The following C12orf42 variants were observed in gnomAD, a reference collection of about 807,000 sequenced individuals.
C12orf42 encodes chromosome 12 open reading frame 42.
A neutral mutation model predicts 21.6 loss-of-function variants in C12orf42; 25 were observed. That is an observed-to-expected ratio of 1.16 (90% CI 0.84 to 1.62). The LOEUF is 1.62. Ranked by LOEUF, C12orf42 falls within the 40% of genes most tolerant of loss-of-function variation. The pLI is 0.00. For missense variants in C12orf42, 483 were observed against 459.3 expected (o/e 1.05, Z -0.47); for synonymous variants, 174 against 175.0 (o/e 0.99, Z 0.05).
At chr12:103,478,761 G>C (rs1954257054) in intron 1 of C12orf42, among the ~76,000 whole-genome samples, 1 of 151,946 alleles carries the variant, frequency 6.6e-6, no homozygotes, top group Admixed American at 6.6e-5. Flanking sequence ...TGCTTGCTTT[G>C]GTTGGCTGGT....
At chr12:103,527,280 G>T in the C12orf42 span, among the ~76,000 whole-genome samples, 3 of 152,264 alleles carry the variant, frequency 2.0e-5, no homozygotes, top group Non-Finnish European at 4.4e-5. Context: ...GCATGAGGGG[G>T]TTACTCTGAG....
chr12:103,266,037 C>T (rs1046717087), downstream of C12orf42, among the ~76,000 whole-genome samples: 7 of 152,082 alleles, frequency 4.6e-5, no homozygotes, highest in African/African-American at 1.7e-4. Flanking sequence ...TGATCATTGC[C>T]TGTAAAAGTT....
At position 103,302,214 on chromosome 12, in the gene C12orf42, C is replaced by T. The variant is rs748666217; in HGVS notation, c.977G>A (p.Arg326Lys). The change falls in exon 6 of 6, where the codon AGG becomes AAG. Residue 326 changes from arginine (R) to lysine (K), a missense_variant. Arg to Lys is a conservative substitution (Grantham distance 26, BLOSUM62 2). Coordinates refer to ENST00000548883, the MANE Select transcript of C12orf42 (RefSeq NM_198521.5). ...AGASTHFPSK[R>K]LIKVCSSAPP... Reference sequence around the variant, plus strand: ...TGCTGAGGAGCAAACCTTTATTAACCTCTTGGAGGGGAAATGGGTGGAAGC... The same window carrying T: ...TGCTGAGGAGCAAACCTTTATTAACTTCTTGGAGGGGAAATGGGTGGAAGC... 7 of 1,612,092 alleles carry T rather than the reference C, an allele frequency of 4.3e-6. No homozygotes were observed. The highest frequency in any genetic ancestry group is 5.9e-6 in the Non-Finnish European group (7 of 1,179,190).
the C12orf42 span, among the ~76,000 whole-genome samples, chr12:103,066,824 A>G: frequency 6.6e-6 from 1 of 152,224 alleles, no homozygotes; most frequent in Non-Finnish European, 1.5e-5. Flanking sequence ...GTGAGTTCTC[A>G]CCAATGGGTG....
intron 4 of C12orf42, among the ~76,000 whole-genome samples, chr12:103,352,813 T>A (rs1199402930): frequency 1.3e-5 from 2 of 152,146 alleles, no homozygotes; most frequent in African/African-American, 4.8e-5. Flanking sequence ...GCCATAGGAT[T>A]TTTTATGAGG....
At chr12:103,087,554 G>C in the C12orf42 span, among the ~76,000 whole-genome samples, 1 of 152,190 alleles carries the variant, frequency 6.6e-6, no homozygotes, top group Non-Finnish European at 1.5e-5. Context: ...TCAAAGTAAG[G>C]CCAGTTATCT....
At chr12:103,456,424 C>T (rs1952298305) in intron 2 of C12orf42, 1 of 152,088 alleles carries the variant, frequency 6.6e-6, no homozygotes, top group Non-Finnish European at 1.5e-5. Flanking sequence ...AACATAAAGG[C>T]TTTTGACATA....
chr12:103,303,752 G>C (rs2037995598), intron 5 of C12orf42, among the ~76,000 whole-genome samples: 1 of 152,126 alleles, frequency 6.6e-6, no homozygotes, highest in Non-Finnish European at 1.5e-5. Context: ...TTGTGAATCT[G>C]AATTCTCCAA....
the C12orf42 span, among the ~76,000 whole-genome samples, chr12:103,194,498 AT>A: frequency 6.6e-6 from 1 of 152,168 alleles, no homozygotes; most frequent in Admixed American, 6.5e-5. Context: ...ACATACAAAA[AT>A]TAGTTGCCTT....
Position 103,478,411 on chromosome 12 carries a change from A to C in C12orf42, c.16T>G (p.Cys6Gly). The C allele has an allele frequency of 3.1e-6, 5 of 1,593,960 alleles. No homozygotes were observed. Among genetic ancestry groups the C allele is most frequent in the Non-Finnish European group, 4.3e-6 (5 of 1,166,948 alleles). ...AATTCTTCTTCCCTTTGTTTCATAC[A>C]TATCACTGTAGACATTAATTTGACA... MSTVI[C>G]MKQREEEFLL... The change falls in exon 2 of 6, where the codon TGT (cysteine) becomes GGT (glycine). Residue 6 changes from cysteine (C) to glycine (G), a missense_variant. Cys to Gly is a radical substitution (Grantham distance 159). Coordinates refer to ENST00000548883, the MANE Select transcript of C12orf42 (RefSeq NM_198521.5).
the C12orf42 span, among the ~76,000 whole-genome samples, chr12:103,541,936 C>T: frequency 6.6e-6 from 1 of 151,870 alleles, no homozygotes; most frequent in African/African-American, 2.4e-5. Context: ...CATTCCACCA[C>T]AGCTCACCAG....
At position 103,343,787 on chromosome 12, in the gene C12orf42, A is replaced by G. The variant is rs190105035; in HGVS notation, c.259+25100T>C. On this transcript the variant is annotated intron_variant, in intron 4 of 5. Coordinates refer to ENST00000548883, the MANE Select transcript of C12orf42 (RefSeq NM_198521.5). The stretch of plus-strand genomic sequence containing the variant: ...GAAACTCTGTCACAAAAAAAAAAAA[A>G]AAAGAAAAAGAAAAAAAGAAAACAT... Among the ~76,000 whole-genome samples the G allele has an allele frequency of 2.7e-4, 41 of 152,028 alleles. No individual in the cohort carries two copies. In the East Asian group the frequency reaches 6.8e-3, roughly 25 times the overall value.
chr12:103,552,025 T>C, the C12orf42 span, among the ~76,000 whole-genome samples: 10 of 147,674 alleles, frequency 6.8e-5, no homozygotes, highest in African/African-American at 2.2e-4. Context: ...TTCTGTGATA[T>C]GTTGACCTTT....
chr12:103,350,531 C>A lies in C12orf42; in HGVS notation c.259+18356G>T, dbSNP rs993782496. Among the ~76,000 whole-genome samples, 50 of 152,168 alleles carry A rather than the reference C, an allele frequency of 3.3e-4. 1 individual carries two copies. The highest frequency in any genetic ancestry group is 4.4e-5 in the Non-Finnish European group (3 of 68,032). The stretch of plus-strand genomic sequence containing the variant: ...ATTATTAGTTATAGTTAATCTCTTA[C>A]TGTGCCTAATTTATATATTAAACTT... On this transcript the variant is annotated intron_variant, in intron 4 of 5. Transcript: ENST00000548883.
chr12:103,496,535 T>C (rs1209423299), upstream of C12orf42, among the ~76,000 whole-genome samples: 1 of 152,206 alleles, frequency 6.6e-6, no homozygotes. Context: ...ACAAAGGTCG[T>C]TCTCATCTGC....
At chr12:103,198,128 T>G in the C12orf42 span, among the ~76,000 whole-genome samples, 1 of 152,158 alleles carries the variant, frequency 6.6e-6, no homozygotes, top group Middle Eastern at 3.2e-3. Flanking sequence ...TCTGCATACA[T>G]GCAATAGTGG....
chr12:103,478,412 T>G lies in C12orf42; in HGVS notation c.15A>C (p.Ile5=). The G allele has an allele frequency of 6.3e-7, 1 of 1,594,244 alleles. No individual in the cohort carries two copies. The highest frequency in any genetic ancestry group is 8.6e-7 in the Non-Finnish European group (1 of 1,167,122). Residue 5 remains isoleucine, a synonymous_variant, in exon 2 of 6, where the codon ATA becomes ATC. Coordinates refer to ENST00000548883, the MANE Select transcript of C12orf42 (RefSeq NM_198521.5). MSTV[I]CMKQREEEFL... is the part of the protein sequence containing the mutation. ...ATTCTTCTTCCCTTTGTTTCATACA[T>G]ATCACTGTAGACATTAATTTGACAA... is the stretch of plus-strand genomic sequence containing the variant.
intron 4 of C12orf42, among the ~76,000 whole-genome samples, chr12:103,343,059 T>C (rs571297997): frequency 6.6e-6 from 1 of 152,218 alleles, no homozygotes; most frequent in Non-Finnish European, 1.5e-5. Flanking sequence ...AATAATTCGT[T>C]TTCAAAATAT....
chr12:103,460,723 T>C (rs748536106), intron 2 of C12orf42, among the ~76,000 whole-genome samples: 10 of 152,316 alleles, frequency 6.6e-5, no homozygotes, highest in Non-Finnish European at 1.0e-4. Context: ...AAACAACCTA[T>C]TTATAAACAG....
Sources: gnomAD v4.1 joint callset for allele counts (sites outside exome capture counted in the v4.1 genomes callset) on GRCh38, gnomAD v4.1.1 for gene constraint, MANE v1.5 for transcripts, NCBI Gene and HGNC (gene_info 2026-07-23, HGNC 2026-07-21) for gene names.